The following CBY1 variants were observed in gnomAD, a reference collection of about 807,000 sequenced individuals.
CBY1 encodes protein chibby homolog 1.
Under a neutral mutation model 15.6 loss-of-function variants are expected in CBY1, and 10 were observed. The ratio of observed to expected loss-of-function variants is 0.64; its 90% CI spans 0.40 to 1.09. The LOEUF (loss-of-function observed/expected upper bound fraction) is 1.09, where lower values mean the gene tolerates loss of function less well. CBY1 is among the 50% of genes least tolerant of loss of function. The pLI, the probability that CBY1 is intolerant of heterozygous loss-of-function variation, is 0.01. For missense variants in CBY1, 150 were observed against 160.5 expected (o/e 0.93, Z 0.35); for synonymous variants, 61 against 63.5 (o/e 0.96, Z 0.19).
At chr22:38,660,534 A>C (rs1279615883) in intron 1 of CBY1, among the ~76,000 whole-genome samples, 1 of 152,050 alleles carries the variant, frequency 6.6e-6, no homozygotes, top group East Asian at 1.9e-4. Context: ...CATGTTACTA[A>C]TACAAGGATA....
intron 1 of CBY1, among the ~76,000 whole-genome samples, chr22:38,657,522 ATC>A (rs2092403735): frequency 6.6e-6 from 1 of 152,240 alleles, no homozygotes; most frequent in African/African-American, 2.4e-5. Flanking sequence ...GACAGCTTGT[ATC>A]TCAAGTGCAC....
At chr22:38,671,025 T>C (rs750053608) in intron 3 of CBY1, 36 bp downstream of exon 3, 9 of 1,612,674 alleles carry the variant, frequency 5.6e-6, no homozygotes, top group South Asian at 3.3e-5. Context: ...TCAAACAAGA[T>C]TGTAGGAGGA....
At chr22:38,666,233 A>ATATAT (rs138485713) in intron 1 of CBY1, among the ~76,000 whole-genome samples, 85 of 139,286 alleles carry the variant, frequency 6.1e-4, no homozygotes, top group East Asian at 2.1e-3. Flanking sequence ...ATATATATAT[A>ATATAT]TTTTTTTTTC....
chr22:38,673,488 G>A lies in CBY1; in HGVS notation c.*252G>A, dbSNP rs1028544731. The A allele has an allele frequency of 1.0e-5, 4 of 399,290 alleles. No individual in the cohort carries two copies. Among genetic ancestry groups the A allele is most frequent in the Non-Finnish European group, 1.9e-5 (4 of 209,856 alleles). The allele number at this position is 399,290 out of a possible 1,614,324, so 24.7% of individuals were successfully genotyped here. A position where few individuals can be genotyped will look rare whatever the true frequency, so the allele number is the denominator to read the frequency against. ...AAACCAGACCGCACAGAGGCCTGGG[G>A]CTGCTGATGAGCTTTTTGGTGCTCT... On this transcript the variant is annotated 3_prime_UTR_variant, in exon 5 of 5. Transcript: ENST00000216029.
intron 4 of CBY1, among the ~76,000 whole-genome samples, chr22:38,671,969 T>TA (rs200185045): frequency 1.3e-5 from 2 of 149,886 alleles, no homozygotes; most frequent in East Asian, 1.9e-4. Flanking sequence ...TTTTTTTTTT[T>TA]AAAAAAGGAC....
At chr22:38,672,460 C>CA (rs1467970326) in intron 4 of CBY1, among the ~76,000 whole-genome samples, 1 of 151,866 alleles carries the variant, frequency 6.6e-6, no homozygotes, top group East Asian at 2.0e-4. Flanking sequence ...TCCTGATTAG[C>CA]ACCCGCCACC....
At chr22:38,664,847 G>T (rs567217502) in intron 1 of CBY1, among the ~76,000 whole-genome samples, 2 of 148,688 alleles carry the variant, frequency 1.3e-5, no homozygotes, top group East Asian at 3.9e-4. Flanking sequence ...CTTAGCAGTA[G>T]TTTTTTTTTT....
rs774108743 is a variant in CBY1 at position 38,673,204 on chromosome 22, G to T, written c.349G>T (p.Asp117Tyr). 3.7e-6 allele frequency: 6 copies of T among 1,612,898 alleles called. No individual in the cohort carries two copies. In the South Asian group the frequency reaches 6.6e-5, roughly 18 times the overall value. Reference sequence around the variant, plus strand: ...ATCCCACTTAATGGAGAAGGAACTGGATGAACTGAGGATCAGCCGGAAGAG... The same window carrying T: ...ATCCCACTTAATGGAGAAGGAACTGTATGAACTGAGGATCAGCCGGAAGAG... ...AESHLMEKEL[D>Y]ELRISRKRK Residue 117 changes from aspartate (D) to tyrosine (Y), a missense_variant, in exon 5 of 5, where the codon GAT becomes TAT. Coordinates refer to ENST00000216029, the MANE Select transcript of CBY1 (RefSeq NM_015373.4).
intron 1 of CBY1, among the ~76,000 whole-genome samples, chr22:38,662,936 A>G (rs187530195): frequency 2.6e-5 from 4 of 152,194 alleles, no homozygotes; most frequent in African/African-American, 9.6e-5. Flanking sequence ...CCTGGCCAAC[A>G]TGGCGAAACA....
chr22:38,668,221 C>T lies in CBY1; in HGVS notation c.78+89C>T. 3.7e-6 allele frequency: 3 copies of T among 819,326 alleles called. No homozygotes were observed. The South Asian group carries it at 4.0e-5, about 11-fold the overall frequency. The allele number at this position is 819,326 out of a possible 1,614,324, so 50.8% of individuals were successfully genotyped here. On this transcript the variant is annotated intron_variant, in intron 2 of 4. Transcript: ENST00000216029. ...AATGGAAAGTGTGGTCCTCCAGAGG[C>T]ATCAGTGCAGGAGGGCATCCTTTCC...
rs771940366 is a variant in CBY1 at position 38,668,101 on chromosome 22, G to C, written c.47G>C (p.Arg16Pro). The change falls in exon 2 of 5, where the codon CGG becomes CCG. Residue 16 changes from arginine (R) to proline (P), a missense_variant. Coordinates refer to ENST00000216029, the MANE Select transcript of CBY1 (RefSeq NM_015373.4). ...TTCAGTCCGAAGAAGACACCTCCTCGGAAGTCGGCATCTCTCTCCAACCTG... is the reference window on the plus strand; with the variant it reads ...TTCAGTCCGAAGAAGACACCTCCTCCGAAGTCGGCATCTCTCTCCAACCTG... Reference protein sequence around the residue: ...NTFSPKKTPPRKSASLSNLHS... With the variant: ...NTFSPKKTPPPKSASLSNLHS... 6.2e-7 allele frequency: 1 copy of C among 1,613,334 alleles called. No individual in the cohort carries two copies. The highest frequency in any genetic ancestry group is 1.1e-5 in the South Asian group (1 of 91,048).
intron 4 of CBY1, 153 bp downstream of exon 4, chr22:38,671,341 C>T: frequency 3.0e-6 from 2 of 674,284 alleles, no homozygotes; most frequent in South Asian, 3.4e-5. Flanking sequence ...AGACACAGTT[C>T]CTGCCCTCAC....
In CBY1 at chr22:38,673,627, A is replaced by C. The variant is rs1316627580; in HGVS notation, c.*391A>C. 1 of 210,980 alleles carries C rather than the reference A, an allele frequency of 4.7e-6. No individual in the cohort carries two copies. 13.1% of individuals were successfully genotyped at this position (210,980 alleles called of 1,614,324 possible). Reference sequence around the variant, plus strand: ...CTTATGTTGGTGTTTGGCGTGTGACAGCAGTTCTACAGAGCTCTGTGTTGG... The same window carrying C: ...CTTATGTTGGTGTTTGGCGTGTGACCGCAGTTCTACAGAGCTCTGTGTTGG... On this transcript the variant is annotated 3_prime_UTR_variant, in exon 5 of 5. Transcript: ENST00000216029.
rs907121353 is a variant in CBY1, at chr22:38,673,413, A to G, written c.*177A>G. 1 of 537,746 alleles carries G rather than the reference A, an allele frequency of 1.9e-6. No homozygotes were observed. The highest frequency in any genetic ancestry group is 3.4e-6 in the Non-Finnish European group (1 of 291,212). 33.3% of individuals were successfully genotyped at this position (537,746 alleles called of 1,614,324 possible). A position where few individuals can be genotyped will look rare whatever the true frequency, so the allele number is the denominator to read the frequency against. On this transcript the variant is annotated 3_prime_UTR_variant, in exon 5 of 5. Coordinates refer to ENST00000216029, the MANE Select transcript of CBY1 (RefSeq NM_015373.4). ...GAGAAAACCAAGATTCCAGATGGGG[A>G]TAGTAACTAGAAGGTGCTTCAGATG... is the stretch of plus-strand genomic sequence containing the variant.
chr22:38,657,824 C>T (rs2092405498), intron 1 of CBY1, among the ~76,000 whole-genome samples: 1 of 152,092 alleles, frequency 6.6e-6, no homozygotes, highest in Non-Finnish European at 1.5e-5. Flanking sequence ...TCAGTGGGGA[C>T]TTGACTTATT....
At chr22:38,657,659 T>G (rs1284167108) in intron 1 of CBY1, among the ~76,000 whole-genome samples, 1 of 152,130 alleles carries the variant, frequency 6.6e-6, no homozygotes, top group East Asian at 1.9e-4. Flanking sequence ...CCAGCTGTAG[T>G]GTTATGAGAA....
chr22:38,669,217 C>T (rs2092445654), intron 2 of CBY1, among the ~76,000 whole-genome samples: 1 of 152,132 alleles, frequency 6.6e-6, no homozygotes, highest in Non-Finnish European at 1.5e-5. Context: ...AGGATAACCA[C>T]CCAGATCTTG....
At chr22:38,657,600 G>C (rs2092404112) in intron 1 of CBY1, among the ~76,000 whole-genome samples, 1 of 152,240 alleles carries the variant, frequency 6.6e-6, no homozygotes, top group African/African-American at 2.4e-5. Flanking sequence ...TGACTTAAAA[G>C]GTAGCTAATC....
chr22:38,660,944 T>C (rs1209913242), intron 1 of CBY1, among the ~76,000 whole-genome samples: 1 of 152,074 alleles, frequency 6.6e-6, no homozygotes, highest in Non-Finnish European at 1.5e-5. Context: ...TGCTTTTCCC[T>C]CTTCTAACCT....
Sources: allele counts gnomAD v4.1 joint callset (sites outside exome capture counted in the v4.1 genomes callset), GRCh38; gene constraint gnomAD v4.1.1; transcripts MANE v1.5; gene names NCBI Gene and HGNC (gene_info 2026-07-23, HGNC 2026-07-21).